DNAH8: variants seen among roughly 807,000 people sequenced by gnomAD.
DNAH8 encodes the protein dynein axonemal heavy chain 8, also known as axonemal beta dynein heavy chain 8.
A neutral mutation model predicts 562.1 loss-of-function variants in DNAH8; 382 were observed. The observed-to-expected ratio is 0.68, with a 90% CI of 0.63 to 0.74. The LOEUF (loss-of-function observed/expected upper bound fraction) is 0.74, where lower values mean the gene tolerates loss of function less well. DNAH8 is among the 30% of genes least tolerant of loss of function. The probability of loss-of-function intolerance (pLI) is 0.00; values close to 1 mark genes in which losing one functional copy is unlikely to be tolerated. For synonymous variants in DNAH8, 1,881 were observed against 1,919.4 expected, an observed-to-expected ratio of 0.98 and a Z score of 0.52; for missense variants, 5,203 against 5,620.4, an observed-to-expected ratio of 0.93 and a Z score of 2.37.
chr6:38,823,628 G>T lies in DNAH8; in HGVS notation c.3787G>T (p.Glu1263Ter), dbSNP rs1416631904. The change falls in exon 28 of 93, where the codon GAA becomes TAA. Residue 1263 changes from glutamate (E) to a stop codon, truncating the protein, a stop_gained. Coordinates refer to ENST00000327475, the MANE Select transcript of DNAH8 (RefSeq NM_001206927.2). LOFTEE classifies it high-confidence loss of function. ...AGAAATTCTACACTATGCTACTTTT[G>T]AACAGGAGATTGATGAGTTGAAGCC... ...RSEILHYATF[E>*]QEIDELKPII... 1.2e-6 allele frequency: 2 copies of T among 1,609,060 alleles called. No homozygotes were observed. The highest frequency in any genetic ancestry group is 1.7e-5 in the Admixed American group (1 of 59,978).
chr6:38,899,651 C>T, intron 61 of DNAH8, 125 bp from the exon 62 acceptor site: 1 of 989,542 alleles, frequency 1.0e-6, no homozygotes, highest in East Asian at 2.7e-5. Flanking sequence ...TGTCATAGAC[C>T]ATTAACGAGG....
intron 7 of DNAH8, among the ~76,000 whole-genome samples, chr6:38,741,129 G>A (rs1764487282): frequency 6.6e-6 from 1 of 152,114 alleles, no homozygotes; most frequent in Non-Finnish European, 1.5e-5. Context: ...CTTTGGCCAG[G>A]TATGGTTACT....
At chr6:39,029,304 T>A (rs1028569731) in intron 92 of DNAH8, among the ~76,000 whole-genome samples, 9 of 152,116 alleles carry the variant, frequency 5.9e-5, no homozygotes, top group Non-Finnish European at 1.2e-4. Flanking sequence ...AGCCCCCTGC[T>A]GCAAGCCCAT....
chr6:38,818,606 A>C (rs910717801), intron 26 of DNAH8, among the ~76,000 whole-genome samples: 1 of 150,892 alleles, frequency 6.6e-6, no homozygotes, highest in Non-Finnish European at 1.5e-5. Flanking sequence ...AGGTGAAGGG[A>C]ATTTCAAGGT....
chr6:38,790,430 T>G, intron 20 of DNAH8, 25 bp downstream of exon 20: 1 of 1,074,346 alleles, frequency 9.3e-7, no homozygotes, highest in Non-Finnish European at 1.4e-6. Flanking sequence ...TTTAAAAAGC[T>G]ATCAACATAT....
chr6:38,796,170 C>A (rs184517273), intron 21 of DNAH8, among the ~76,000 whole-genome samples: 81 of 152,338 alleles, frequency 5.3e-4, no homozygotes, highest in African/African-American at 1.7e-3. Flanking sequence ...CAACTCTTCA[C>A]TCTGCCAACA....
intron 37 of DNAH8, 51 bp downstream of exon 37, chr6:38,848,852 T>G (rs1293468300): frequency 1.3e-6 from 2 of 1,560,536 alleles, no homozygotes; most frequent in Non-Finnish European, 1.8e-6. Context: ...GTATGTTGTC[T>G]ATATGTCTCT....
At chr6:38,791,779 C>A in intron 21 of DNAH8, 105 bp downstream of exon 21, 2 of 964,924 alleles carry the variant, frequency 2.1e-6, no homozygotes, top group Non-Finnish European at 2.9e-6. Flanking sequence ...AGCATTTAGA[C>A]TTTTTTTTTT....
chr6:38,958,646 C>CA (rs35382684), intron 82 of DNAH8, among the ~76,000 whole-genome samples: 26,034 of 59,228 alleles, frequency 0.44, 5,402 homozygotes, highest in Non-Finnish European at 0.5. Context: ...AGTCTCCCAT[C>CA]AAAAAAAAAA....
rs1265046232 is a variant in DNAH8 at position 38,909,604 on chromosome 6, G to A, written c.9600G>A (p.Arg3200=). ...TGGACTGGTTCAGCCGCTGGCCAAG[G>A]GAGGCTCTGATTGCTGTGGCCTCCT... is the stretch of plus-strand genomic sequence containing the variant. ...CTMDWFSRWP[R]EALIAVASYF... is the part of the protein sequence containing the mutation. The change falls in exon 65 of 93, where the codon AGG becomes AGA. Residue 3200 remains arginine, a synonymous_variant. Coordinates refer to ENST00000327475, the MANE Select transcript of DNAH8 (RefSeq NM_001206927.2). The A allele has an allele frequency of 1.2e-6, 2 of 1,614,138 alleles. No individual in the cohort carries two copies. The highest frequency in any genetic ancestry group is 3.3e-5 in the Admixed American group (2 of 60,014).
chr6:38,965,239 A>G lies in DNAH8; in HGVS notation c.12452-6353A>G, dbSNP rs553629292. ...TAGAAGGTGATATTCCATATATTAT[A>G]TAATACACTGCAGCTAAGATATAAA... On this transcript the variant is annotated intron_variant, in intron 82 of 92. Coordinates refer to ENST00000327475, the MANE Select transcript of DNAH8 (RefSeq NM_001206927.2). Among the ~76,000 whole-genome samples, 4 of 152,254 alleles carry G rather than the reference A, an allele frequency of 2.6e-5. No individual in the cohort carries two copies. In the South Asian group the frequency reaches 8.3e-4, roughly 32 times the overall value.
At chr6:38,791,525 T>G (rs1452662076) in intron 20 of DNAH8, 30 bp from the exon 21 acceptor site, 1 of 1,591,894 alleles carries the variant, frequency 6.3e-7, no homozygotes, top group African/African-American at 1.4e-5. Flanking sequence ...AAAGAAGAGT[T>G]TTTTTTTCTT....
intron 21 of DNAH8, among the ~76,000 whole-genome samples, chr6:38,799,085 C>T (rs527975490): frequency 9.9e-5 from 15 of 152,224 alleles, no homozygotes; most frequent in African/African-American, 2.6e-4. Flanking sequence ...CAACGTAGGG[C>T]GTGGCAGAGA....
chr6:39,018,927 T>C (rs560289354), intron 91 of DNAH8, among the ~76,000 whole-genome samples: 73 of 152,276 alleles, frequency 4.8e-4, no homozygotes, highest in African/African-American at 1.7e-3. Flanking sequence ...TTTGGGGGTG[T>C]GTGAGTGAAA....
intron 42 of DNAH8, among the ~76,000 whole-genome samples, chr6:38,859,504 G>A (rs1776445655): frequency 6.6e-6 from 1 of 152,204 alleles, no homozygotes; most frequent in Admixed American, 6.5e-5. Flanking sequence ...AGTGTCAGTT[G>A]AATGACCTGG....
chr6:38,842,532 T>G, intron 34 of DNAH8, 27 bp downstream of exon 34: 1 of 1,608,008 alleles, frequency 6.2e-7, no homozygotes, highest in Non-Finnish European at 8.5e-7. Flanking sequence ...TTTTTTATAA[T>G]GCCTGTCTTC....
intron 80 of DNAH8, among the ~76,000 whole-genome samples, chr6:38,949,000 C>A (rs545957659): frequency 1.3e-5 from 2 of 152,074 alleles, no homozygotes; most frequent in East Asian, 3.9e-4. Context: ...AATCTACCCA[C>A]CCCCAGGGGC....
chr6:38,879,817 G>A (rs1031588950), intron 53 of DNAH8, among the ~76,000 whole-genome samples: 2 of 152,182 alleles, frequency 1.3e-5, no homozygotes, highest in African/African-American at 2.4e-5. Context: ...TCTTCAAAAA[G>A]TTATTAGAAC....
intron 64 of DNAH8, among the ~76,000 whole-genome samples, chr6:38,908,567 T>G (rs1445226800): frequency 6.6e-6 from 1 of 152,184 alleles, no homozygotes; most frequent in Non-Finnish European, 1.5e-5. Context: ...TTTGGTTTAT[T>G]TTTGGTACAG....
Sources: gnomAD v4.1 joint callset for allele counts (sites outside exome capture counted in the v4.1 genomes callset) on GRCh38, gnomAD v4.1.1 for gene constraint, MANE v1.5 for transcripts, NCBI Gene and HGNC (gene_info 2026-07-23, HGNC 2026-07-21) for gene names.